The following TNR variants were observed in gnomAD, a reference collection of about 807,000 sequenced individuals.
TNR encodes tenascin-R.
In TNR, 45 loss-of-function variants were observed where a neutral mutation model predicts 150.4. That is an observed-to-expected ratio of 0.30 (90% CI 0.24 to 0.38). The LOEUF is 0.38. Among genes scored for constraint, TNR ranks in the 10% least tolerant of loss-of-function variants. TNR has a pLI of 1.00. For synonymous variants in TNR, 687 were observed against 678.4 expected (o/e 1.01, Z -0.20); for missense variants, 1,544 against 1,759.1 (o/e 0.88, Z 2.19).
intron 18 of TNR, among the ~76,000 whole-genome samples, chr1:175,341,085 C>A (rs1650498663): frequency 6.6e-6 from 1 of 152,182 alleles, no homozygotes; most frequent in African/African-American, 2.4e-5. Flanking sequence ...AAAGAACACA[C>A]TGGTTCCTGT....
rs143050555 is a variant in TNR, at chr1:175,505,251, C to T, written c.-64+23018G>A. Among the ~76,000 whole-genome samples, 678 of 152,316 alleles carry T rather than the reference C, an allele frequency of 4.5e-3. 2 individuals are homozygous for T. The highest frequency in any genetic ancestry group is 0.016 in the African/African-American group (645 of 41,558). The stretch of plus-strand genomic sequence containing the variant: ...ACAGGAGCGGCTCTGCGCCACAGTA[C>T]GACAGGAAGCCTGGCTCCCCTGCAG... On this transcript the variant is annotated intron_variant, in intron 2 of 22. Transcript: ENST00000367674.
chr1:175,439,134 G>T (rs1199971765), intron 2 of TNR, among the ~76,000 whole-genome samples: 1 of 151,572 alleles, frequency 6.6e-6, no homozygotes, highest in Non-Finnish European at 1.5e-5. Context: ...ATACTACAAG[G>T]CTACAGTAAC....
At chr1:175,596,523 T>G (rs561251575) in intron 1 of TNR, among the ~76,000 whole-genome samples, 1 of 152,236 alleles carries the variant, frequency 6.6e-6, no homozygotes, top group Non-Finnish European at 1.5e-5. Context: ...TGAGAGTTCT[T>G]CTGAAAATCA....
intron 1 of TNR, among the ~76,000 whole-genome samples, chr1:175,566,958 T>A (rs1014182656): frequency 6.6e-6 from 1 of 152,214 alleles, no homozygotes; most frequent in Non-Finnish European, 1.5e-5. Context: ...ATGTGGCACA[T>A]CTTGTGTGCC....
At chr1:175,583,114 T>C (rs190546029) in intron 1 of TNR, among the ~76,000 whole-genome samples, 23 of 152,244 alleles carry the variant, frequency 1.5e-4, no homozygotes, top group African/African-American at 4.6e-4. Context: ...GGCAACATGA[T>C]AGGTATGGGC....
intron 1 of TNR, among the ~76,000 whole-genome samples, chr1:175,639,324 A>G (rs912631647): frequency 3.3e-5 from 5 of 152,158 alleles, no homozygotes; most frequent in Non-Finnish European, 7.4e-5. Flanking sequence ...TTCTACTTTT[A>G]TAAGTAAAAT....
chr1:175,637,095 T>A (rs550437988), intron 1 of TNR, among the ~76,000 whole-genome samples: 1 of 152,366 alleles, frequency 6.6e-6, no homozygotes, highest in South Asian at 2.1e-4. Context: ...CCCTATAGAC[T>A]TAGTCCTTAT....
Position 175,354,524 on chromosome 1 carries a change from C to A in TNR, c.3250-1G>T. 1 of 1,614,018 alleles carries A rather than the reference C, an allele frequency of 6.2e-7. No individual in the cohort carries two copies. Among genetic ancestry groups the A allele is most frequent in the Non-Finnish European group, 8.5e-7 (1 of 1,179,970 alleles). On this transcript the variant is annotated splice_acceptor_variant, in intron 17 of 22. Transcript: ENST00000367674. LOFTEE classifies it high-confidence loss of function. ...TGTCTTCTGCATCCACAATCAGCTC[C>A]TGTATAATGAGCCAAAGGAAGGGTG...
At chr1:175,578,226 C>G (rs887669978) in intron 1 of TNR, among the ~76,000 whole-genome samples, 1 of 151,262 alleles carries the variant, frequency 6.6e-6, no homozygotes, top group African/African-American at 2.4e-5. Flanking sequence ...GCAGGCCTGC[C>G]GGGGGAAACT....
At chr1:175,577,505 A>G (rs972843721) in intron 1 of TNR, among the ~76,000 whole-genome samples, 2 of 152,134 alleles carry the variant, frequency 1.3e-5, no homozygotes, top group African/African-American at 2.4e-5. Context: ...GGAATCTTCC[A>G]TCTTCACTAG....
At chr1:175,413,098 T>C (rs1654286128) in intron 2 of TNR, among the ~76,000 whole-genome samples, 1 of 152,178 alleles carries the variant, frequency 6.6e-6, no homozygotes, top group Non-Finnish European at 1.5e-5. Context: ...CGATCTCTGC[T>C]CACTGCAACC....
intron 1 of TNR, among the ~76,000 whole-genome samples, chr1:175,675,052 G>A (rs186191401): frequency 6.6e-6 from 1 of 152,250 alleles, no homozygotes; most frequent in East Asian, 1.9e-4. Context: ...CTTATTTTTT[G>A]TTCAGGGTGA....
chr1:175,355,752 C>A, intron 16 of TNR, 119 bp from the exon 17 acceptor site: 5 of 1,398,486 alleles, frequency 3.6e-6, no homozygotes, highest in Non-Finnish European at 4.9e-6. Context: ...ACATGCTGAC[C>A]CCTGCTCTGG....
intron 19 of TNR, among the ~76,000 whole-genome samples, chr1:175,336,579 C>T (rs755962788): frequency 2.0e-4 from 30 of 152,226 alleles, no homozygotes; most frequent in Non-Finnish European, 2.2e-4. Flanking sequence ...CCGGCTGCTC[C>T]GACCGGCTTG....
At chr1:175,701,977 C>G (rs1306660151) in intron 1 of TNR, among the ~76,000 whole-genome samples, 2 of 152,216 alleles carry the variant, frequency 1.3e-5, no homozygotes, top group Non-Finnish European at 2.9e-5. Context: ...TAGTGGAGTG[C>G]AAGGAGCTCT....
intron 1 of TNR, among the ~76,000 whole-genome samples, chr1:175,647,283 C>T (rs2101885748): frequency 6.6e-6 from 1 of 152,196 alleles, no homozygotes; most frequent in Non-Finnish European, 1.5e-5. Context: ...TCACCACATG[C>T]ACAAAAAATG....
intron 2 of TNR, among the ~76,000 whole-genome samples, chr1:175,460,128 T>C (rs1368279224): frequency 6.6e-6 from 1 of 152,118 alleles, no homozygotes; most frequent in Non-Finnish European, 1.5e-5. Context: ...TCCCCTGAGC[T>C]GGAGGCAGGG....
chr1:175,412,400 C>T lies in TNR; in HGVS notation c.-63-5623G>A, dbSNP rs190090627. ...CAAGAGATCTCCCCAGAAATTGCTT[C>T]AGTCTCTCCTCCTTGAGAGGAGGCT... On this transcript the variant is annotated intron_variant, in intron 2 of 22. Transcript: ENST00000367674. 3.6e-4 allele frequency among the ~76,000 whole-genome samples: 55 copies of T among 152,306 alleles called. No individual in the cohort carries two copies. The Middle Eastern group carries it at 0.01, about 28-fold the overall frequency.
chr1:175,577,220 A>G (rs1441968294), intron 1 of TNR, among the ~76,000 whole-genome samples: 1 of 152,070 alleles, frequency 6.6e-6, no homozygotes, highest in African/African-American at 2.4e-5. Flanking sequence ...CCCAGGGAAG[A>G]ATTTGGGGTA....
Sources: gnomAD v4.1 joint callset for allele counts (sites outside exome capture counted in the v4.1 genomes callset) on GRCh38, gnomAD v4.1.1 for gene constraint, MANE v1.5 for transcripts, NCBI Gene and HGNC (gene_info 2026-07-23, HGNC 2026-07-21) for gene names.